TMEM232: variants seen among roughly 807,000 people sequenced by gnomAD.
TMEM232 encodes transmembrane protein 232.
A neutral mutation model predicts 78.8 loss-of-function variants in TMEM232; 80 were observed. The observed-to-expected ratio is 1.01, with a 90% CI of 0.85 to 1.22. The LOEUF (loss-of-function observed/expected upper bound fraction) is 1.22, where lower values mean the gene tolerates loss of function less well. Among genes scored for constraint, TMEM232 ranks in the 50% most tolerant of loss-of-function variants. TMEM232 has a pLI of 0.00. For missense variants in TMEM232, 881 were observed against 742.2 expected (o/e 1.19, Z -2.17); for synonymous variants, 297 against 254.3 (o/e 1.17, Z -1.60).
chr5:110,391,115 G>A (rs1042395283), intron 3 of TMEM232, among the ~76,000 whole-genome samples: 8 of 152,098 alleles, frequency 5.3e-5, no homozygotes, highest in African/African-American at 1.9e-4. Context: ...TATTCCCTCT[G>A]TTTGGCAATA....
At chr5:110,598,432 C>A (rs150517597) in intron 10 of TMEM232, among the ~76,000 whole-genome samples, 3,735 of 152,204 alleles carry the variant, frequency 0.025, 47 homozygotes, top group African/African-American at 0.031. Flanking sequence ...ACTAGTTCAA[C>A]CATTGTGGAA....
chr5:110,614,899 C>A (rs1345811193), intron 8 of TMEM232, among the ~76,000 whole-genome samples: 1 of 151,842 alleles, frequency 6.6e-6, no homozygotes, highest in East Asian at 1.9e-4. Flanking sequence ...TTTTTAGGAG[C>A]TCTGTATTAA....
intron 2 of TMEM232, among the ~76,000 whole-genome samples, chr5:110,645,059 A>G (rs1308113237): frequency 6.6e-6 from 1 of 151,636 alleles, no homozygotes; most frequent in Non-Finnish European, 1.5e-5. Flanking sequence ...AAACACACCA[A>G]TAAAAAAAAA....
chr5:110,522,436 A>G (rs1306531146), intron 12 of TMEM232, among the ~76,000 whole-genome samples: 1 of 152,156 alleles, frequency 6.6e-6, no homozygotes, highest in Non-Finnish European at 1.5e-5. Flanking sequence ...TATTCAAGCT[A>G]GGACTTCTTG....
intron 1 of TMEM232, among the ~76,000 whole-genome samples, chr5:110,688,534 G>A (rs1373749356): frequency 1.3e-5 from 2 of 152,126 alleles, no homozygotes; most frequent in East Asian, 1.9e-4. Context: ...TGTGCCTTAG[G>A]AGACAGGACC....
chr5:110,443,819 G>A (rs1759330476), intron 12 of TMEM232, among the ~76,000 whole-genome samples: 1 of 152,256 alleles, frequency 6.6e-6, no homozygotes, highest in African/African-American at 2.4e-5. Flanking sequence ...GCCAGGACTG[G>A]GTCCTTCCTT....
chr5:110,454,737 A>G (rs997143651), intron 12 of TMEM232, among the ~76,000 whole-genome samples: 2 of 151,870 alleles, frequency 1.3e-5, no homozygotes, highest in Non-Finnish European at 2.9e-5. Flanking sequence ...TTTATATTAG[A>G]AAAAAAACCT....
At chr5:110,470,396 G>A (rs1762546710) in intron 12 of TMEM232, among the ~76,000 whole-genome samples, 2 of 152,002 alleles carry the variant, frequency 1.3e-5, no homozygotes, top group East Asian at 1.9e-4. Context: ...GCCACAAAAA[G>A]TTCACAAGAC....
intron 12 of TMEM232, among the ~76,000 whole-genome samples, chr5:110,448,686 C>G (rs1056579725): frequency 6.6e-6 from 1 of 151,914 alleles, no homozygotes; most frequent in South Asian, 2.1e-4. Context: ...GGTACATTCC[C>G]CCTCTCACAT....
At chr5:110,509,158 T>C (rs1282461115) in intron 12 of TMEM232, among the ~76,000 whole-genome samples, 1 of 151,244 alleles carries the variant, frequency 6.6e-6, no homozygotes, top group Non-Finnish European at 1.5e-5. Flanking sequence ...TGGCTGGTCA[T>C]GGTAGTTCAT....
chr5:110,614,674 A>T, intron 8 of TMEM232, among the ~76,000 whole-genome samples: 1 of 152,068 alleles, frequency 6.6e-6, no homozygotes, highest in Non-Finnish European at 1.5e-5. Flanking sequence ...AATTTGACCA[A>T]GTCACACAAT....
chr5:110,645,611 A>C (rs920764162), intron 2 of TMEM232, among the ~76,000 whole-genome samples: 2 of 151,664 alleles, frequency 1.3e-5, no homozygotes, highest in African/African-American at 4.8e-5. Flanking sequence ...ACCACAGCCA[A>C]TATCATAATT....
At chr5:110,398,140 T>A (rs1172241859) in intron 2 of TMEM232, among the ~76,000 whole-genome samples, 1 of 152,172 alleles carries the variant, frequency 6.6e-6, no homozygotes, top group Non-Finnish European at 1.5e-5. Flanking sequence ...CTACCCACTA[T>A]TGCAAGGACA....
chr5:110,679,754 T>A (rs892623173), intron 1 of TMEM232, among the ~76,000 whole-genome samples: 4 of 55,820 alleles, frequency 7.2e-5, no homozygotes, highest in African/African-American at 1.3e-4. Context: ...TTTCACTCAT[T>A]AATATATATA....
intron 2 of TMEM232, among the ~76,000 whole-genome samples, chr5:110,409,980 G>C (rs1755929264): frequency 6.6e-6 from 1 of 152,186 alleles, no homozygotes; most frequent in Non-Finnish European, 1.5e-5. Context: ...CATTGCTGAT[G>C]TCTGTATCCG....
intron 5 of TMEM232, among the ~76,000 whole-genome samples, chr5:110,633,404 G>C (rs79881977): frequency 6.6e-6 from 1 of 151,808 alleles, no homozygotes. Context: ...AGGAAAAGAA[G>C]ACAAGAATAC....
intron 10 of TMEM232, among the ~76,000 whole-genome samples, chr5:110,591,611 T>C (rs1253574002): frequency 1.3e-5 from 2 of 152,182 alleles, no homozygotes; most frequent in East Asian, 3.9e-4. Flanking sequence ...GTTTCCATAG[T>C]TTTTTCTCAC....
chr5:110,611,709 G>A (rs754119317), intron 8 of TMEM232, among the ~76,000 whole-genome samples: 4 of 152,128 alleles, frequency 2.6e-5, no homozygotes, highest in Admixed American at 6.6e-5. Context: ...AAGCTGAAGA[G>A]TGTTATAGTC....
At chr5:110,482,418 T>C (rs1251421222) in intron 12 of TMEM232, among the ~76,000 whole-genome samples, 1 of 151,918 alleles carries the variant, frequency 6.6e-6, no homozygotes, top group Non-Finnish European at 1.5e-5. Flanking sequence ...CCGTCTCTAC[T>C]AAAAATACAA....
Sources: allele counts gnomAD v4.1 joint callset (sites outside exome capture counted in the v4.1 genomes callset), GRCh38; gene constraint gnomAD v4.1.1; transcripts MANE v1.5; gene names NCBI Gene and HGNC (gene_info 2026-07-23, HGNC 2026-07-21).